ZDHHC3: variants seen among roughly 807,000 people sequenced by gnomAD.
ZDHHC3 encodes the protein palmitoyltransferase ZDHHC3.
ZDHHC3 carries 9 observed loss-of-function variants against 30.6 expected under a neutral mutation model. The ratio of observed to expected loss-of-function variants is 0.29; its 90% CI spans 0.18 to 0.51. ZDHHC3 has a LOEUF of 0.51. Ranked by LOEUF, ZDHHC3 falls within the 20% of genes least tolerant of loss-of-function variation. The probability of loss-of-function intolerance (pLI) is 0.97; values close to 1 mark genes in which losing one functional copy is unlikely to be tolerated. For missense variants in ZDHHC3, 246 were observed against 384.2 expected (o/e 0.64, Z 3.01); for synonymous variants, 136 against 140.2 (o/e 0.97, Z 0.21).
Position 44,918,013 on chromosome 3 carries a change from T to C in ZDHHC3, c.*8676A>G. 1 of 1,305,464 alleles carries C rather than the reference T, an allele frequency of 7.7e-7. No homozygotes were observed. Among genetic ancestry groups the C allele is most frequent in the South Asian group, 1.2e-5 (1 of 81,034 alleles). The allele number at this position is 1,305,464 out of a possible 1,614,324, so 80.9% of individuals were successfully genotyped here. A position where few individuals can be genotyped will look rare whatever the true frequency, so the allele number is the denominator to read the frequency against. On this transcript the variant is annotated 3_prime_UTR_variant, in exon 7 of 7. Transcript: ENST00000424952. ...CACCATGTCTTTGTCACTGGGGATCTCTGGCTGACACGGTCTGGAGAAGGG... is the reference window on the plus strand; with the variant it reads ...CACCATGTCTTTGTCACTGGGGATCCCTGGCTGACACGGTCTGGAGAAGGG...
rs1700963776 is a variant in ZDHHC3 at position 44,926,090 on chromosome 3, A to G, written c.*599T>C. 6 of 985,766 alleles carry G rather than the reference A, an allele frequency of 6.1e-6. No individual in the cohort carries two copies. The South Asian group carries it at 1.4e-4, about 23-fold the overall frequency. The allele number at this position is 985,766 out of a possible 1,614,324, so 61.1% of individuals were successfully genotyped here. A position where few individuals can be genotyped will look rare whatever the true frequency, so the allele number is the denominator to read the frequency against. Reference sequence around the variant, plus strand: ...AAATCATTCTACACACCCCAAGCCCATAAAGTACAAGGCAGGCAATTGCTT... The same window carrying G: ...AAATCATTCTACACACCCCAAGCCCGTAAAGTACAAGGCAGGCAATTGCTT... On this transcript the variant is annotated 3_prime_UTR_variant, in exon 7 of 7. Transcript: ENST00000424952.
Position 44,947,976 on chromosome 3 carries a change from C to T in ZDHHC3, c.307-2684G>A, listed in dbSNP as rs945493925. ...TCCCAAACAAGAACCACACCTGACA[C>T]GAGGTCAAGCCACAGCTATGGCATT... On this transcript the variant is annotated intron_variant, in intron 2 of 6. Transcript: ENST00000424952. Among the ~76,000 whole-genome samples, 5 of 152,326 alleles carry T rather than the reference C, an allele frequency of 3.3e-5. No individual in the cohort carries two copies. The South Asian group carries it at 6.2e-4, about 19-fold the overall frequency.
At chr3:44,937,156 AG>A (rs1241766636) in intron 3 of ZDHHC3, among the ~76,000 whole-genome samples, 2 of 152,138 alleles carry the variant, frequency 1.3e-5, no homozygotes, top group Non-Finnish European at 2.9e-5. Flanking sequence ...AAAGTTCCTT[AG>A]TTCAAGGCCA....
At chr3:44,940,171 C>T (rs201734620) in intron 3 of ZDHHC3, among the ~76,000 whole-genome samples, 1 of 152,190 alleles carries the variant, frequency 6.6e-6, no homozygotes, top group Non-Finnish European at 1.5e-5. Flanking sequence ...GACCTCCCCC[C>T]ACAACTCCTG....
rs76300707 is a variant in ZDHHC3, at chr3:44,947,414, C to T, written c.307-2122G>A. On this transcript the variant is annotated intron_variant, in intron 2 of 6. Coordinates refer to ENST00000424952, the MANE Select transcript of ZDHHC3 (RefSeq NM_001135179.2). ...GCTTTAAATCTGAGCTCTACATTTG[C>T]GAGTGGTGTGCCCACTGACAGGTGG... is the stretch of plus-strand genomic sequence containing the variant. Among the ~76,000 whole-genome samples the T allele has an allele frequency of 1.2e-4, 19 of 152,284 alleles. No homozygotes were observed. In the East Asian group the frequency reaches 3.1e-3, roughly 25 times the overall value.
chr3:44,973,435 G>C (rs1026835339), intron 1 of ZDHHC3, among the ~76,000 whole-genome samples: 3 of 152,106 alleles, frequency 2.0e-5, no homozygotes, highest in African/African-American at 7.2e-5. Context: ...CAGGGCTGTT[G>C]CAAGGATTGA....
chr3:44,925,089 C>T lies in ZDHHC3; in HGVS notation c.*1600G>A, dbSNP rs1178708252. On this transcript the variant is annotated 3_prime_UTR_variant, in exon 7 of 7. Coordinates refer to ENST00000424952, the MANE Select transcript of ZDHHC3 (RefSeq NM_001135179.2). ...GAGACAGAGCAATGAAACAAACACC[C>T]AACCAGAGAAAACTCAAGTAGATTG... 1 of 985,752 alleles carries T rather than the reference C, an allele frequency of 1.0e-6. No homozygotes were observed. Among genetic ancestry groups the T allele is most frequent in the African/African-American group, 1.7e-5 (1 of 57,236 alleles). 61.1% of individuals were successfully genotyped at this position (985,752 alleles called of 1,614,324 possible).
chr3:44,945,345 A>G, intron 2 of ZDHHC3, 53 bp from the exon 3 acceptor site: 1 of 1,611,906 alleles, frequency 6.2e-7, no homozygotes. Context: ...TATCAGCTCT[A>G]ACATTCTACA....
intron 1 of ZDHHC3, among the ~76,000 whole-genome samples, chr3:44,967,435 AC>A (rs1705048479): frequency 6.6e-6 from 1 of 152,076 alleles, no homozygotes; most frequent in Admixed American, 6.5e-5. Flanking sequence ...TGCAATCCCA[AC>A]CCTTTGGGAG....
rs959682766 is a variant in ZDHHC3, at chr3:44,924,118, C to G, written c.*2571G>C. 1.0e-6 allele frequency: 1 copy of G among 985,286 alleles called. No individual in the cohort carries two copies. Among genetic ancestry groups the G allele is most frequent in the Admixed American group, 6.1e-5 (1 of 16,264 alleles). 61.0% of individuals were successfully genotyped at this position (985,286 alleles called of 1,614,324 possible). ...ACTGTGGCTACGACTGGTTCAATTT[C>G]CCATGAGTGCACCAAACAGTACTAT... On this transcript the variant is annotated 3_prime_UTR_variant, in exon 7 of 7. Transcript: ENST00000424952.
At chr3:44,966,396 T>C (rs985250324) in intron 1 of ZDHHC3, among the ~76,000 whole-genome samples, 18 of 152,192 alleles carry the variant, frequency 1.2e-4, no homozygotes, top group African/African-American at 4.3e-4. Context: ...CCTAAACTAA[T>C]TCTTACCACA....
At chr3:44,940,102 C>T (rs1702313714) in intron 3 of ZDHHC3, among the ~76,000 whole-genome samples, 1 of 152,258 alleles carries the variant, frequency 6.6e-6, no homozygotes, top group South Asian at 2.1e-4. Flanking sequence ...AAGGACATAC[C>T]ACACCCTGCC....
intron 2 of ZDHHC3, among the ~76,000 whole-genome samples, chr3:44,952,898 A>C (rs540597802): frequency 1.3e-5 from 2 of 152,298 alleles, no homozygotes; most frequent in South Asian, 4.1e-4. Context: ...TTAATTACAC[A>C]CCATCTCTCC....
Position 44,925,876 on chromosome 3 carries a change from A to G in ZDHHC3, c.*813T>C. 1.0e-6 allele frequency: 1 copy of G among 985,806 alleles called. No individual in the cohort carries two copies. The highest frequency in any genetic ancestry group is 1.2e-6 in the Non-Finnish European group (1 of 829,922). 61.1% of individuals were successfully genotyped at this position (985,806 alleles called of 1,614,324 possible). A position where few individuals can be genotyped will look rare whatever the true frequency, so the allele number is the denominator to read the frequency against. On this transcript the variant is annotated 3_prime_UTR_variant, in exon 7 of 7. Coordinates refer to ENST00000424952, the MANE Select transcript of ZDHHC3 (RefSeq NM_001135179.2). ...GAGGGAGATGGGGTGGTGAGAGAGG[A>G]AGCAGATGAAACAAAGGAAAACGTA...
At chr3:44,932,271 C>G (rs1019145674) in intron 5 of ZDHHC3, among the ~76,000 whole-genome samples, 2 of 152,062 alleles carry the variant, frequency 1.3e-5, no homozygotes. Context: ...CCCTCCTCTC[C>G]TATCTCTATT....
At chr3:44,928,891 A>C (rs1701234080) in intron 6 of ZDHHC3, among the ~76,000 whole-genome samples, 1 of 152,148 alleles carries the variant, frequency 6.6e-6, no homozygotes, top group South Asian at 2.1e-4. Flanking sequence ...CATGGCTGGC[A>C]AGCTGACCTG....
rs1700848782 is a variant in ZDHHC3, at chr3:44,924,738, C to A, written c.*1951G>T. ...CTGCTCTAGTTATTTAATACAATAA[C>A]ACTTCTTTCATACACCTAACTGAGC... On this transcript the variant is annotated 3_prime_UTR_variant, in exon 7 of 7. Coordinates refer to ENST00000424952, the MANE Select transcript of ZDHHC3 (RefSeq NM_001135179.2). The A allele has an allele frequency of 1.0e-6, 1 of 985,330 alleles. No homozygotes were observed. The highest frequency in any genetic ancestry group is 6.1e-5 in the Admixed American group (1 of 16,270). 61.0% of individuals were successfully genotyped at this position (985,330 alleles called of 1,614,324 possible). A position where few individuals can be genotyped will look rare whatever the true frequency, so the allele number is the denominator to read the frequency against.
rs1047767048 is a variant in ZDHHC3 at position 44,929,287 on chromosome 3, G to A, written c.741+19C>T. On this transcript the variant is annotated intron_variant, in intron 6 of 6. Transcript: ENST00000424952. ...CCCATCCCCAGGTGTGGAAATGGTG[G>A]GCAGAGCCACCTGCTTACCGTCTCA... is the stretch of plus-strand genomic sequence containing the variant. 1.2e-6 allele frequency: 2 copies of A among 1,612,656 alleles called. No homozygotes were observed. Among genetic ancestry groups the A allele is most frequent in the Middle Eastern group, 1.7e-4 (1 of 5,898 alleles).
At chr3:44,965,614 CA>C (rs891973395) in intron 1 of ZDHHC3, among the ~76,000 whole-genome samples, 2 of 152,024 alleles carry the variant, frequency 1.3e-5, no homozygotes, top group Non-Finnish European at 2.9e-5. Flanking sequence ...TATCATGTGG[CA>C]AAAAAACCCA....
Sources: gnomAD v4.1 joint callset for allele counts (sites outside exome capture counted in the v4.1 genomes callset) on GRCh38, gnomAD v4.1.1 for gene constraint, MANE v1.5 for transcripts, NCBI Gene and HGNC (gene_info 2026-07-23, HGNC 2026-07-21) for gene names.